GALNTL6: variants seen among roughly 807,000 people sequenced by gnomAD.
GALNTL6 encodes the protein polypeptide N-acetylgalactosaminyltransferase-like 6.
GALNTL6 carries 46 observed loss-of-function variants against 73.7 expected under a neutral mutation model. The ratio of observed to expected loss-of-function variants is 0.62; its 90% CI spans 0.49 to 0.80. The LOEUF is 0.80. Ranked by LOEUF, GALNTL6 falls within the 30% of genes least tolerant of loss-of-function variation. The pLI is 0.00. For synonymous variants in GALNTL6, 259 were observed against 263.7 expected, an observed-to-expected ratio of 0.98 and a Z score of 0.17; for missense variants, 604 against 755.0, an observed-to-expected ratio of 0.80 and a Z score of 2.34.
chr4:172,808,848 T>C (rs1388746077), intron 5 of GALNTL6, among the ~76,000 whole-genome samples: 5 of 152,252 alleles, frequency 3.3e-5, no homozygotes, highest in Admixed American at 2.6e-4. Context: ...TGTTAAACTT[T>C]CTTGCTAGTT....
chr4:172,893,348 G>C (rs542790982), intron 8 of GALNTL6, among the ~76,000 whole-genome samples: 28 of 151,994 alleles, frequency 1.8e-4, no homozygotes, highest in East Asian at 1.6e-3. Flanking sequence ...AGAGTGGCGG[G>C]GGGGGGGTCT....
chr4:172,765,885 T>C (rs1341549461), intron 5 of GALNTL6, among the ~76,000 whole-genome samples: 1 of 151,654 alleles, frequency 6.6e-6, no homozygotes, highest in Non-Finnish European at 1.5e-5. Context: ...AAAAAAAGCA[T>C]ATAAAATAAC....
intron 2 of GALNTL6, among the ~76,000 whole-genome samples, chr4:172,140,115 C>G (rs1015273279): frequency 1.3e-5 from 2 of 152,006 alleles, no homozygotes; most frequent in Non-Finnish European, 2.9e-5. Context: ...ATAATCCCAA[C>G]AAACCTCATA....
intron 5 of GALNTL6, among the ~76,000 whole-genome samples, chr4:172,724,751 C>G (rs1735693047): frequency 6.6e-6 from 1 of 151,848 alleles, no homozygotes; most frequent in Non-Finnish European, 1.5e-5. Flanking sequence ...TGGCAATAGA[C>G]CCAAAGTTTG....
At chr4:171,832,625 C>G (rs1560805790) in intron 2 of GALNTL6, among the ~76,000 whole-genome samples, 1 of 151,386 alleles carries the variant, frequency 6.6e-6, no homozygotes, top group Non-Finnish European at 1.5e-5. Flanking sequence ...ATAAAATAAA[C>G]TTATCATTTC....
intron 5 of GALNTL6, among the ~76,000 whole-genome samples, chr4:172,410,853 C>T (rs1479713234): frequency 6.6e-6 from 1 of 151,922 alleles, no homozygotes. Context: ...ATTTTCCCTC[C>T]TACCCCCTCA....
At chr4:172,526,330 C>T (rs1734952056) in intron 5 of GALNTL6, among the ~76,000 whole-genome samples, 1 of 152,180 alleles carries the variant, frequency 6.6e-6, no homozygotes, top group Non-Finnish European at 1.5e-5. Context: ...TCTCTATCCT[C>T]ACGGCTTACA....
intron 5 of GALNTL6, among the ~76,000 whole-genome samples, chr4:172,648,262 G>C (rs1740327682): frequency 6.6e-6 from 1 of 152,086 alleles, no homozygotes; most frequent in Non-Finnish European, 1.5e-5. Context: ...CATTGGCCAG[G>C]CTTCAGAAAT....
intron 2 of GALNTL6, among the ~76,000 whole-genome samples, chr4:172,072,921 T>TTTCACATGATAAATCATGATCC (rs1731586231): frequency 6.6e-6 from 1 of 152,152 alleles, no homozygotes; most frequent in Non-Finnish European, 1.5e-5. Flanking sequence ...TGAATTCCCA[T>TTTCACATGATAAATCATGATCC]TTCACATGAT....
At chr4:172,603,920 T>C (rs1409981729) in intron 5 of GALNTL6, among the ~76,000 whole-genome samples, 4 of 152,194 alleles carry the variant, frequency 2.6e-5, no homozygotes, top group African/African-American at 7.2e-5. Flanking sequence ...CTAGTTTTTC[T>C]GTGTTCCACA....
At chr4:171,922,121 G>A (rs1293779774) in intron 2 of GALNTL6, among the ~76,000 whole-genome samples, 1 of 151,594 alleles carries the variant, frequency 6.6e-6, no homozygotes, top group Non-Finnish European at 1.5e-5. Context: ...TATGTGAAAA[G>A]CAATTTTGTG....
At chr4:171,973,414 C>G (rs1243021980) in intron 2 of GALNTL6, among the ~76,000 whole-genome samples, 1 of 152,084 alleles carries the variant, frequency 6.6e-6, no homozygotes, top group African/African-American at 2.4e-5. Flanking sequence ...CAAGGTGATG[C>G]CTCCTTGCTT....
chr4:171,906,335 A>G (rs1452226411), intron 2 of GALNTL6, among the ~76,000 whole-genome samples: 2 of 151,518 alleles, frequency 1.3e-5, no homozygotes, highest in East Asian at 1.9e-4. Context: ...CCACAGAAAT[A>G]CAAACTACCA....
At chr4:172,456,667 G>A (rs1428615900) in intron 5 of GALNTL6, among the ~76,000 whole-genome samples, 1 of 151,686 alleles carries the variant, frequency 6.6e-6, no homozygotes, top group East Asian at 2.0e-4. Flanking sequence ...TAATGAAAAC[G>A]AACAAACAAA....
At chr4:171,846,156 A>G (rs1198973071) in intron 2 of GALNTL6, among the ~76,000 whole-genome samples, 3 of 152,190 alleles carry the variant, frequency 2.0e-5, no homozygotes, top group Non-Finnish European at 4.4e-5. Context: ...ATGTCAGTAT[A>G]GTTTGACTGC....
intron 3 of GALNTL6, among the ~76,000 whole-genome samples, chr4:172,243,880 G>T (rs926319925): frequency 2.2e-4 from 34 of 152,232 alleles, no homozygotes; most frequent in African/African-American, 7.9e-4. Context: ...ATTTGGGTGA[G>T]ACTGACTATA....
intron 6 of GALNTL6, among the ~76,000 whole-genome samples, chr4:172,810,258 A>G (rs1741212552): frequency 6.6e-6 from 1 of 152,222 alleles, no homozygotes; most frequent in Non-Finnish European, 1.5e-5. Context: ...AAAGAACTGA[A>G]AGTAATTTAA....
chr4:172,168,187 C>T lies in GALNTL6; in HGVS notation c.139-61469C>T, dbSNP rs560161138. Among the ~76,000 whole-genome samples, 11 of 152,210 alleles carry T rather than the reference C, an allele frequency of 7.2e-5. No homozygotes were observed. In the East Asian group the frequency reaches 1.4e-3, roughly 19 times the overall value. On this transcript the variant is annotated intron_variant, in intron 2 of 12. Coordinates refer to ENST00000506823, the MANE Select transcript of GALNTL6 (RefSeq NM_001034845.3). ...CTTATTTTTAATTTGGTGAAATCCA[C>T]GAAAAGTTTCCAGGTACCATTTGAA... is the stretch of plus-strand genomic sequence containing the variant.
chr4:172,404,679 C>G (rs573061373), intron 5 of GALNTL6, among the ~76,000 whole-genome samples: 2 of 152,126 alleles, frequency 1.3e-5, no homozygotes, highest in African/African-American at 4.8e-5. Flanking sequence ...GCTTACTCTA[C>G]TTTAGTGTTA....
Sources: gnomAD v4.1 joint callset for allele counts (sites outside exome capture counted in the v4.1 genomes callset) on GRCh38, gnomAD v4.1.1 for gene constraint, MANE v1.5 for transcripts, NCBI Gene and HGNC (gene_info 2026-07-23, HGNC 2026-07-21) for gene names.